FAM184B: variants seen among roughly 807,000 people sequenced by gnomAD.
FAM184B encodes the protein protein FAM184B.
A neutral mutation model predicts 135.9 loss-of-function variants in FAM184B; 111 were observed. The ratio of observed to expected loss-of-function variants is 0.82; its 90% CI spans 0.70 to 0.96. The LOEUF is 0.96. Among genes scored for constraint, FAM184B ranks in the 40% least tolerant of loss-of-function variants. The probability of loss-of-function intolerance (pLI) is 0.00; values close to 1 mark genes in which losing one functional copy is unlikely to be tolerated. For missense variants in FAM184B, 1,375 were observed against 1,323.9 expected, an observed-to-expected ratio of 1.04 and a Z score of -0.60; for synonymous variants, 552 against 524.8, an observed-to-expected ratio of 1.05 and a Z score of -0.71.
intron 1 of FAM184B, among the ~76,000 whole-genome samples, chr4:17,742,164 ATATAT>A (rs1254928927): frequency 0.042 from 377 of 9,030 alleles, no homozygotes; most frequent in African/African-American, 0.16. Flanking sequence ...ATATATATAT[ATATAT>A]TTTTTTTTTT....
intron 7 of FAM184B, among the ~76,000 whole-genome samples, chr4:17,672,003 C>G (rs563908876): frequency 6.6e-6 from 1 of 151,980 alleles, no homozygotes; most frequent in Non-Finnish European, 1.5e-5. Context: ...AAGATAATGA[C>G]TAAGAAGTTC....
At chr4:17,737,880 G>T (rs564656942) in intron 1 of FAM184B, among the ~76,000 whole-genome samples, 1 of 152,148 alleles carries the variant, frequency 6.6e-6, no homozygotes, top group Non-Finnish European at 1.5e-5. Flanking sequence ...GCTGAGGAAC[G>T]CAAAGATACA....
chr4:17,770,353 A>G (rs1355869238), intron 1 of FAM184B, among the ~76,000 whole-genome samples: 1 of 152,168 alleles, frequency 6.6e-6, no homozygotes, highest in Non-Finnish European at 1.5e-5. Flanking sequence ...GGCTCCGACT[A>G]TGGTGGAGGT....
chr4:17,742,081 A>G (rs914681347), intron 1 of FAM184B, among the ~76,000 whole-genome samples: 1 of 151,014 alleles, frequency 6.6e-6, no homozygotes. Context: ...CCAAGAGGGT[A>G]GCTCTCATGT....
intron 1 of FAM184B, among the ~76,000 whole-genome samples, chr4:17,740,376 C>A (rs1718007174): frequency 1.6e-5 from 2 of 123,344 alleles, no homozygotes; most frequent in African/African-American, 3.0e-5. Context: ...AAAAAAAAGT[C>A]TGTGGAGTCA....
At chr4:17,654,348 C>T (rs917006042) in intron 10 of FAM184B, among the ~76,000 whole-genome samples, 1 of 152,062 alleles carries the variant, frequency 6.6e-6, no homozygotes, top group South Asian at 2.1e-4. Context: ...TCTTTTTAAA[C>T]TCTTTTTTAT....
chr4:17,765,331 G>A (rs142405450), intron 1 of FAM184B, among the ~76,000 whole-genome samples: 107 of 151,986 alleles, frequency 7.0e-4, no homozygotes, highest in African/African-American at 2.2e-3. Context: ...GGTGAATTCC[G>A]CTCACAGGAA....
At chr4:17,738,665 A>T (rs1249106044) in intron 1 of FAM184B, among the ~76,000 whole-genome samples, 1 of 152,134 alleles carries the variant, frequency 6.6e-6, no homozygotes, top group East Asian at 1.9e-4. Context: ...ACTGCAACAG[A>T]TAGTCCTGTG....
At chr4:17,715,551 T>A (rs931245222) in intron 1 of FAM184B, among the ~76,000 whole-genome samples, 1 of 151,998 alleles carries the variant, frequency 6.6e-6, no homozygotes, top group Admixed American at 6.6e-5. Context: ...ATTAAAGGAA[T>A]AAATTCAAGA....
chr4:17,759,791 C>T (rs1389213121), intron 1 of FAM184B, among the ~76,000 whole-genome samples: 4 of 152,278 alleles, frequency 2.6e-5, no homozygotes, highest in Admixed American at 6.5e-5. Context: ...CCACCACACC[C>T]GGCCTAAGCA....
intron 1 of FAM184B, among the ~76,000 whole-genome samples, chr4:17,712,108 A>C (rs1717289566): frequency 6.6e-6 from 1 of 152,244 alleles, no homozygotes; most frequent in Admixed American, 6.5e-5. Flanking sequence ...TCAGAGAAGA[A>C]CAGGAAGGAT....
intron 6 of FAM184B, among the ~76,000 whole-genome samples, chr4:17,691,504 G>A (rs538191235): frequency 1.4e-4 from 21 of 152,030 alleles, no homozygotes; most frequent in Admixed American, 8.5e-4. Context: ...TGGGCAACAC[G>A]GTGAAACCCC....
At chr4:17,658,939 C>T (rs1032627355) in intron 9 of FAM184B, among the ~76,000 whole-genome samples, 4 of 152,110 alleles carry the variant, frequency 2.6e-5, no homozygotes, top group Non-Finnish European at 5.9e-5. Flanking sequence ...TCCACATCCC[C>T]CATCACAGGA....
At chr4:17,696,606 G>A (rs1716864533) in intron 5 of FAM184B, among the ~76,000 whole-genome samples, 1 of 152,178 alleles carries the variant, frequency 6.6e-6, no homozygotes, top group Non-Finnish European at 1.5e-5. Context: ...GAAGCCAGGA[G>A]TTTGAGACTA....
chr4:17,751,830 C>CACAT (rs1718299823), intron 1 of FAM184B, among the ~76,000 whole-genome samples: 1 of 139,132 alleles, frequency 7.2e-6, no homozygotes, highest in South Asian at 2.4e-4. Context: ...AAGGCACACA[C>CACAT]ACACACACAC....
At chr4:17,727,590 G>A (rs1717670108) in intron 1 of FAM184B, among the ~76,000 whole-genome samples, 1 of 152,160 alleles carries the variant, frequency 6.6e-6, no homozygotes, top group African/African-American at 2.4e-5. Context: ...TTCACAAGGT[G>A]GCAGGGGAGA....
intron 1 of FAM184B, among the ~76,000 whole-genome samples, chr4:17,742,181 A>T (rs1421978491): frequency 1.5e-5 from 2 of 135,044 alleles, no homozygotes; most frequent in Admixed American, 7.6e-5. Context: ...TTTTTTTTTT[A>T]AAGAGGCTGG....
chr4:17,692,985 CA>C (rs1012581131), intron 6 of FAM184B, among the ~76,000 whole-genome samples: 35 of 149,532 alleles, frequency 2.3e-4, no homozygotes, highest in African/African-American at 8.6e-4. Flanking sequence ...TAAGAGCCCA[CA>C]AAGGGGCGAA....
intron 7 of FAM184B, among the ~76,000 whole-genome samples, chr4:17,683,686 G>T (rs186980488): frequency 1.9e-4 from 29 of 152,206 alleles, no homozygotes; most frequent in African/African-American, 6.7e-4. Flanking sequence ...TCTGTACAAG[G>T]GAGAACTAGG....
Sources: gnomAD v4.1 joint callset for allele counts (sites outside exome capture counted in the v4.1 genomes callset) on GRCh38, gnomAD v4.1.1 for gene constraint, MANE v1.5 for transcripts, NCBI Gene and HGNC (gene_info 2026-07-23, HGNC 2026-07-21) for gene names.